COL16A1: variants seen among roughly 807,000 people sequenced by gnomAD.
The protein encoded by COL16A1 is collagen type XVI alpha 1 chain, also known as collagen alpha-1(XVI) chain.
Under a neutral mutation model 266.3 loss-of-function variants are expected in COL16A1, and 189 were observed. The ratio of observed to expected loss-of-function variants is 0.71; its 90% CI spans 0.63 to 0.80. The LOEUF (loss-of-function observed/expected upper bound fraction) is 0.80, where lower values mean the gene tolerates loss of function less well. Among genes scored for constraint, COL16A1 ranks in the 30% least tolerant of loss-of-function variants. The pLI is 0.00. For missense variants in COL16A1, 1,928 were observed against 2,122.4 expected (o/e 0.91, Z 1.80); for synonymous variants, 740 against 782.3 (o/e 0.95, Z 0.90).
In COL16A1 at chr1:31,672,729, C is replaced by A. The variant is rs372484590; in HGVS notation, c.2971G>T (p.Ala991Ser). The A allele has an allele frequency of 9.9e-6, 16 of 1,613,816 alleles. No homozygotes were observed. Among genetic ancestry groups the A allele is most frequent in the Admixed American group, 1.7e-5 (1 of 59,988 alleles). Residue 991 changes from alanine (A) to serine (S), a missense_variant, in exon 45 of 71, where the codon GCC (alanine) becomes TCC (serine). By Grantham distance (99) the Ala-to-Ser change is moderately conservative. Coordinates refer to ENST00000373672, the MANE Select transcript of COL16A1 (RefSeq NM_001856.4). ...IPGVPGLDNC[A>S]QCFLSLERPR... The stretch of plus-strand genomic sequence containing the variant: ...CCCCAAGCCCAGTCCCTTACCTGGG[C>A]GCAGTTGTCGAGGCCTGGCACACCA...
chr1:31,665,291 T>G (rs1178778928), intron 55 of COL16A1, 57 bp from the exon 56 acceptor site: 10 of 1,568,694 alleles, frequency 6.4e-6, no homozygotes, highest in Non-Finnish European at 8.6e-6. Flanking sequence ...GGAGCTCCCC[T>G]TCTTTATTCT....
At chr1:31,680,836 G>A (rs1643579365) in intron 39 of COL16A1, 69 bp downstream of exon 39, 2 of 1,612,316 alleles carry the variant, frequency 1.2e-6, no homozygotes, top group Non-Finnish European at 8.5e-7. Flanking sequence ...CAGAGTACGG[G>A]TCACAGGTGG....
Position 31,692,598 on chromosome 1 carries a change from CA to C in COL16A1, c.1157del (p.Leu386ArgfsTer75). On this transcript the variant is annotated frameshift_variant and splice_region_variant, in exon 15 of 71. Coordinates refer to ENST00000373672, the MANE Select transcript of COL16A1 (RefSeq NM_001856.4). LOFTEE classifies it high-confidence loss of function. ...PKGEKGESGA[L>X]GPSGLPGSTG... ...GCCCTATCCCTGGTCCCACACTCAC[CA>C]GAGCTCCTGACTCCCCCTTCTCTCC... 1 of 1,614,146 alleles carries C rather than the reference CA, an allele frequency of 6.2e-7. No homozygotes were observed. Among genetic ancestry groups the C allele is most frequent in the Non-Finnish European group, 8.5e-7 (1 of 1,180,002 alleles).
intron 49 of COL16A1, among the ~76,000 whole-genome samples, chr1:31,669,229 AG>A (rs980161917): frequency 2.0e-5 from 3 of 152,012 alleles, no homozygotes; most frequent in Non-Finnish European, 4.4e-5. Flanking sequence ...GCTTATTCTG[AG>A]GGGCAACTGT....
chr1:31,682,071 G>C (rs1193180422), intron 37 of COL16A1, among the ~76,000 whole-genome samples: 8 of 152,194 alleles, frequency 5.3e-5, no homozygotes, highest in Non-Finnish European at 4.4e-5. Flanking sequence ...TTTGCCCACC[G>C]CCTGGCATGG....
chr1:31,683,732 G>A lies in COL16A1; in HGVS notation c.2354C>T (p.Pro785Leu). Reference protein sequence around the residue: ...LKGVQGEPGPPGRGVQGPQGE... With the variant: ...LKGVQGEPGPLGRGVQGPQGE... ...CTGGGGTCCCTGGACTCCCCTTCCT[G>A]GAGGCCCTGGCTCTCCCTGAAGAGG... Residue 785 changes from proline (P) to leucine (L), a missense_variant, in exon 34 of 71, where the codon CCA becomes CTA. This residue lies in a region of COL16A1 where 1,552 missense variants were observed against 1,637.2 expected (regional missense o/e 0.95). Transcript: ENST00000373672. 2 of 1,614,134 alleles carry A rather than the reference G, an allele frequency of 1.2e-6. No homozygotes were observed. The highest frequency in any genetic ancestry group is 2.7e-5 in the African/African-American group (2 of 75,044).
rs1642514629 is a variant in COL16A1, at chr1:31,670,044, C to T, written c.3195+558G>A. ...GGCGCAGGAAGGGCTGCCTTTAAATCCCTGGGTGCCTCTGGACAGCCCTGC... is the reference window on the plus strand; with the variant it reads ...GGCGCAGGAAGGGCTGCCTTTAAATTCCTGGGTGCCTCTGGACAGCCCTGC... On this transcript the variant is annotated intron_variant, in intron 49 of 70. Coordinates refer to ENST00000373672, the MANE Select transcript of COL16A1 (RefSeq NM_001856.4). The surrounding 1 kb of genome is among the most constrained non-coding windows in gnomAD (Gnocchi z 4.5). 1 of 152,480 alleles carries T rather than the reference C, an allele frequency of 6.6e-6. No homozygotes were observed. The highest frequency in any genetic ancestry group is 1.5e-5 in the Non-Finnish European group (1 of 68,246). The allele number at this position is 152,480 out of a possible 1,614,324, so 9.4% of individuals were successfully genotyped here. A position where few individuals can be genotyped will look rare whatever the true frequency, so the allele number is the denominator to read the frequency against.
Position 31,688,483 on chromosome 1 carries a change from C to A in COL16A1, c.1787G>T (p.Gly596Val). 1 of 1,614,152 alleles carries A rather than the reference C, an allele frequency of 6.2e-7. No homozygotes were observed. Among genetic ancestry groups the A allele is most frequent in the Non-Finnish European group, 8.5e-7 (1 of 1,180,026 alleles). The change falls in exon 26 of 71, where the codon GGG becomes GTG. Residue 596 changes from glycine to valine, a missense_variant. By Grantham distance (109) the Gly-to-Val change is moderately radical. This residue lies in a region of COL16A1 where 1,552 missense variants were observed against 1,637.2 expected (regional missense o/e 0.95). Transcript: ENST00000373672. The surrounding 1 kb of genome is among the most constrained non-coding windows in gnomAD (Gnocchi z 4.9). The stretch of plus-strand genomic sequence containing the variant: ...AGGTCTCACCTTCTCTCCTTTCAGC[C>A]CTGGAACCCCAGCTCTACCCTGAAA... ...PGLPGRAGVP[G>V]LKGEKGNFGE...
At chr1:31,686,195 C>G (rs1364464940) in intron 27 of COL16A1, 49 bp downstream of exon 27, 3 of 1,614,028 alleles carry the variant, frequency 1.9e-6, no homozygotes, top group Non-Finnish European at 2.5e-6. Flanking sequence ...CCTATCAGCC[C>G]CTCCCACCTT....
At position 31,682,916 on chromosome 1, in the gene COL16A1, A is replaced by G. The variant is rs1301490876; in HGVS notation, c.2538+18T>C. The G allele has an allele frequency of 6.2e-7, 1 of 1,613,728 alleles. No homozygotes were observed. The highest frequency in any genetic ancestry group is 1.1e-5 in the South Asian group (1 of 91,066). ...GGTTCCAGCAACACCACCAGCATGG[A>G]GCACAGAGAAGACTTACCGGAGGCC... On this transcript the variant is annotated intron_variant, in intron 37 of 70. Transcript: ENST00000373672.
At chr1:31,653,249 A>C (rs1195537487) in intron 70 of COL16A1, among the ~76,000 whole-genome samples, 2 of 152,234 alleles carry the variant, frequency 1.3e-5, no homozygotes, top group East Asian at 3.8e-4. Flanking sequence ...ATAGCCAAAC[A>C]TTCATCGTAG....
rs373940391 is a variant in COL16A1, at chr1:31,700,031, G to T, written c.148+10C>A. ...GCAGGGACGGCGCGATGAGATGGTT[G>T]GGTGCTCACCAGTCACGTTGGCTGG... On this transcript the variant is annotated intron_variant, in intron 3 of 70. Transcript: ENST00000373672. 45 of 1,613,918 alleles carry T rather than the reference G, an allele frequency of 2.8e-5. No homozygotes were observed. The highest frequency in any genetic ancestry group is 3.8e-5 in the Non-Finnish European group (45 of 1,179,930).
chr1:31,653,007 T>C (rs1640764263), intron 70 of COL16A1, among the ~76,000 whole-genome samples, 154 bp from the exon 71 acceptor site: 1 of 152,252 alleles, frequency 6.6e-6, no homozygotes, highest in African/African-American at 2.4e-5. Flanking sequence ...TCACGTTGAT[T>C]TAACAATAAC....
intron 54 of COL16A1, 66 bp from the exon 55 acceptor site, chr1:31,665,684 GA>G: frequency 6.3e-6 from 10 of 1,598,410 alleles, no homozygotes; most frequent in Non-Finnish European, 8.5e-6. Flanking sequence ...TGCCCAGGTG[GA>G]AAGAGTGACG....
chr1:31,655,427 T>TG lies in COL16A1; in HGVS notation c.4176dup (p.Lys1393GlnfsTer45). ...CCAACAGGCCCCATGGAACCACTCT[T>TG]GCCAGGTCCACCAGGCATGCCGGCT... On this transcript the variant is annotated frameshift_variant, in exon 67 of 71. Transcript: ENST00000373672. LOFTEE classifies it high-confidence loss of function. The TG allele has an allele frequency of 6.2e-7, 1 of 1,614,114 alleles. No homozygotes were observed. The highest frequency in any genetic ancestry group is 1.1e-5 in the South Asian group (1 of 91,080).
intron 64 of COL16A1, 31 bp downstream of exon 64, chr1:31,658,457 C>T: frequency 6.4e-7 from 1 of 1,559,156 alleles, no homozygotes; most frequent in Non-Finnish European, 8.8e-7. Flanking sequence ...CTCTTTCCCC[C>T]TGGGCTATGC....
chr1:31,653,712 G>C, intron 69 of COL16A1, 36 bp from the exon 70 acceptor site: 2 of 1,599,888 alleles, frequency 1.3e-6, no homozygotes, highest in Non-Finnish European at 1.7e-6. Context: ...CTATCCCTGA[G>C]CAGAAAAATG....
chr1:31,683,895 A>G (rs1252859863), intron 33 of COL16A1, 55 bp downstream of exon 33: 12 of 1,611,922 alleles, frequency 7.4e-6, no homozygotes, highest in Admixed American at 5.0e-5. Flanking sequence ...GGATCTCCCT[A>G]TCCCACCCCT....
intron 59 of COL16A1, 36 bp from the exon 60 acceptor site, chr1:31,661,494 T>C (rs1351716387): frequency 1.9e-6 from 3 of 1,614,096 alleles, no homozygotes; most frequent in African/African-American, 2.7e-5. Context: ...ATGTCCCTCA[T>C]GTCAGCTGGG....
Sources: allele counts gnomAD v4.1 joint callset (sites outside exome capture counted in the v4.1 genomes callset), GRCh38; gene constraint gnomAD v4.1.1; regional missense constraint gnomAD v4.1.1; non-coding constraint Gnocchi (gnomAD v3.1); transcripts MANE v1.5; gene names NCBI Gene and HGNC (gene_info 2026-07-23, HGNC 2026-07-21).